Variants in FRMD4B observed in about 807,000 individuals in gnomAD.
FRMD4B encodes the protein FERM domain-containing protein 4B.
In FRMD4B, 74 loss-of-function variants were observed where a neutral mutation model predicts 141.5. That is an observed-to-expected ratio of 0.52 (90% confidence interval 0.43 to 0.63). The LOEUF is 0.63. Among genes scored for constraint, FRMD4B ranks in the 30% least tolerant of loss-of-function variants. FRMD4B has a pLI of 0.00. For missense variants in FRMD4B, 1,366 were observed against 1,253.4 expected, an observed-to-expected ratio of 1.09 and a Z score of -1.36; for synonymous variants, 506 against 467.9, an observed-to-expected ratio of 1.08 and a Z score of -1.05.
chr3:69,171,610 C>CA lies in FRMD4B; in HGVS notation c.*250dup. ...GGCTTCACACTGAGTCCTCTCTTGG[C>CA]AATACTTCAACATGTGGGCAGACCC... On this transcript the variant is annotated 3_prime_UTR_variant, in exon 23 of 23. Transcript: ENST00000398540. 3 of 383,264 alleles carry CA rather than the reference C, an allele frequency of 7.8e-6. No homozygotes were observed. Among genetic ancestry groups the CA allele is most frequent in the South Asian group, 7.4e-5 (2 of 26,968 alleles). 23.7% of individuals were successfully genotyped at this position (383,264 alleles called of 1,614,324 possible).
chr3:69,512,204 C>T lies in FRMD4B; in HGVS notation c.-129+30002G>A, dbSNP rs142626303. Among the ~76,000 whole-genome samples the T allele has an allele frequency of 3.4e-3, 522 of 152,262 alleles. 5 individuals carry two copies. Among genetic ancestry groups the T allele is most frequent in the African/African-American group, 0.012 (491 of 41,560 alleles). ...TGGCTCACCATAGTGAGGCACTGCA[C>T]GGGGCTGGAGTTAAGAGGAAAAACC... is the stretch of plus-strand genomic sequence containing the variant. On this transcript the variant is annotated intron_variant, in intron 1 of 5. Transcript: ENST00000459638.
At chr3:69,452,011 T>C (rs557237465) in intron 1 of FRMD4B, among the ~76,000 whole-genome samples, 1 of 152,174 alleles carries the variant, frequency 6.6e-6, no homozygotes, top group Non-Finnish European at 1.5e-5. Flanking sequence ...ATAAATAAAA[T>C]ACAAAACAAA....
At chr3:69,480,902 G>A (rs1706109976) in intron 1 of FRMD4B, among the ~76,000 whole-genome samples, 1 of 152,228 alleles carries the variant, frequency 6.6e-6, no homozygotes, top group African/African-American at 2.4e-5. Flanking sequence ...ACCTAAGCAA[G>A]CCTGGGCAAT....
chr3:69,520,925 T>C (rs1002092418), intron 1 of FRMD4B, among the ~76,000 whole-genome samples: 1 of 152,174 alleles, frequency 6.6e-6, no homozygotes, highest in Non-Finnish European at 1.5e-5. Flanking sequence ...CTTGTTCAGG[T>C]CTCTAGTACT....
chr3:69,215,286 T>G (rs1211099906), intron 11 of FRMD4B, among the ~76,000 whole-genome samples: 5 of 80,048 alleles, frequency 6.2e-5, no homozygotes, highest in African/African-American at 2.3e-4. Flanking sequence ...GTGACCCTCT[T>G]TTTTTTTTTT....
intron 5 of FRMD4B, among the ~76,000 whole-genome samples, chr3:69,257,661 A>G (rs528866718): frequency 6.6e-6 from 1 of 151,826 alleles, no homozygotes; most frequent in African/African-American, 2.4e-5. Context: ...TATGTTCAGG[A>G]TTGGCTTTTT....
intron 1 of FRMD4B, among the ~76,000 whole-genome samples, chr3:69,512,002 G>A (rs1706697627): frequency 6.6e-6 from 1 of 152,164 alleles, no homozygotes; most frequent in African/African-American, 2.4e-5. Flanking sequence ...GCTAAGAGGA[G>A]GCAATGAACA....
At chr3:69,505,384 A>G (rs1706579982) in intron 1 of FRMD4B, among the ~76,000 whole-genome samples, 1 of 152,046 alleles carries the variant, frequency 6.6e-6, no homozygotes, top group Non-Finnish European at 1.5e-5. Flanking sequence ...TCTCAAAAAC[A>G]AAAAACAAAA....
intron 1 of FRMD4B, among the ~76,000 whole-genome samples, chr3:69,466,447 A>G (rs1345070906): frequency 1.3e-5 from 2 of 152,110 alleles, no homozygotes; most frequent in Admixed American, 6.6e-5. Flanking sequence ...GTTTTTGTGG[A>G]AAAACAGTCC....
At position 69,410,774 on chromosome 3, in the gene FRMD4B, T is replaced by C. The variant is rs939700410; in HGVS notation, c.-1+21860A>G. ...ATATATATATATATATATATATATA[T>C]TTGAGACAGGGTCTTGCTCTGTTGC... On this transcript the variant is annotated intron_variant, in intron 2 of 5. Transcript: ENST00000459638. Among the ~76,000 whole-genome samples, 629 of 138,336 alleles carry C rather than the reference T, an allele frequency of 4.5e-3. 26 individuals are homozygous for C. Among genetic ancestry groups the C allele is most frequent in the Admixed American group, 0.042 (559 of 13,336 alleles). The allele number at this position is 138,336 out of a possible 152,430, so 90.8% of individuals were successfully genotyped here. A position where few individuals can be genotyped will look rare whatever the true frequency, so the allele number is the denominator to read the frequency against.
intron 1 of FRMD4B, among the ~76,000 whole-genome samples, chr3:69,328,544 G>A (rs1380021673): frequency 6.6e-6 from 1 of 152,174 alleles, no homozygotes; most frequent in Admixed American, 6.6e-5. Context: ...CTTAGTCACA[G>A]GATGAGATAG....
At chr3:69,245,822 C>T (rs796420681) in intron 7 of FRMD4B, among the ~76,000 whole-genome samples, 24 of 147,814 alleles carry the variant, frequency 1.6e-4, no homozygotes, top group African/African-American at 6.0e-4. Context: ...TGCGAACGTG[C>T]CAGGCTAATT....
At chr3:69,301,618 C>A (rs1385580352) in intron 4 of FRMD4B, among the ~76,000 whole-genome samples, 2 of 152,208 alleles carry the variant, frequency 1.3e-5, no homozygotes, top group African/African-American at 4.8e-5. Flanking sequence ...TCATGAGCCA[C>A]TGTGCCTGGC....
chr3:69,239,739 A>G (rs527675959), intron 7 of FRMD4B, among the ~76,000 whole-genome samples: 2 of 152,270 alleles, frequency 1.3e-5, no homozygotes, highest in African/African-American at 4.8e-5. Flanking sequence ...TTCCAAGATG[A>G]AAAAGTTCTG....
chr3:69,256,007 G>T (rs1312131855), intron 5 of FRMD4B, among the ~76,000 whole-genome samples: 2 of 152,098 alleles, frequency 1.3e-5, no homozygotes, highest in African/African-American at 4.8e-5. Context: ...TGAGGTGGGA[G>T]GATTGCTTGA....
chr3:69,278,458 T>C (rs1390305431), intron 5 of FRMD4B, among the ~76,000 whole-genome samples: 4 of 150,986 alleles, frequency 2.6e-5, no homozygotes, highest in Non-Finnish European at 4.4e-5. Context: ...ACTAACTTAT[T>C]GGCTATTTTA....
chr3:69,438,561 C>A (rs1374195971), intron 1 of FRMD4B, among the ~76,000 whole-genome samples: 2 of 152,182 alleles, frequency 1.3e-5, no homozygotes, highest in Non-Finnish European at 2.9e-5. Flanking sequence ...AAATTCCTGG[C>A]TTGCTTAGGT....
intron 1 of FRMD4B, among the ~76,000 whole-genome samples, chr3:69,351,541 G>C (rs902421401): frequency 6.6e-6 from 1 of 152,188 alleles, no homozygotes; most frequent in African/African-American, 2.4e-5. Flanking sequence ...GCTAGCAATT[G>C]GAAACCATGC....
chr3:69,291,910 C>CTTTTTTTTTTTTTT (rs35703345), intron 4 of FRMD4B, among the ~76,000 whole-genome samples: 3 of 105,538 alleles, frequency 2.8e-5, no homozygotes, highest in Non-Finnish European at 3.8e-5. Context: ...ACAGGAATCT[C>CTTTTTTTTTTTTTT]TTTTTTTTTT....
Sources: gnomAD v4.1 joint callset for allele counts (sites outside exome capture counted in the v4.1 genomes callset) on GRCh38, gnomAD v4.1.1 for gene constraint, MANE v1.5 for transcripts, NCBI Gene and HGNC (gene_info 2026-07-23, HGNC 2026-07-21) for gene names.